Variants in CRADD observed in about 807,000 individuals in gnomAD.
CRADD encodes the protein CARD and death domain containing adaptor protein.
A neutral mutation model predicts 15.5 loss-of-function variants in CRADD; 9 were observed. The observed-to-expected ratio is 0.58, with a 90% confidence interval of 0.35 to 1.01. The LOEUF is 1.01. CRADD is among the 50% of genes least tolerant of loss of function. CRADD has a pLI of 0.02. For missense variants in CRADD, 227 were observed against 250.3 expected (o/e 0.91, Z 0.63); for synonymous variants, 118 against 107.6 (o/e 1.10, Z -0.60).
At position 93,794,741 on chromosome 12, in the gene CRADD, A is replaced by G. The variant is rs1375057879; in HGVS notation, c.299-55229A>G. On this transcript the variant is annotated intron_variant, in intron 2 of 2. Transcript: ENST00000332896. ...CCCCCACTTAAACTCACCCATTGGC[A>G]TCCCATAGCACTTAGAAGGAAAGCC... 2.6e-5 allele frequency among the ~76,000 whole-genome samples: 4 copies of G among 152,206 alleles called. No individual in the cohort carries two copies. In the South Asian group the frequency reaches 8.3e-4, roughly 32 times the overall value.
chr12:93,863,017 A>G (rs1051646232), intron 2 of CRADD, among the ~76,000 whole-genome samples: 1 of 152,236 alleles, frequency 6.6e-6, no homozygotes, highest in African/African-American at 2.4e-5. Flanking sequence ...GGGCACATGG[A>G]AAGAGACCCG....
At chr12:93,730,378 T>C (rs181973529) in intron 2 of CRADD, among the ~76,000 whole-genome samples, 3 of 152,352 alleles carry the variant, frequency 2.0e-5, no homozygotes, top group Admixed American at 1.3e-4. Context: ...TTGGCAACAA[T>C]TGAAAAGGAA....
intron 2 of CRADD, among the ~76,000 whole-genome samples, chr12:93,775,010 T>A (rs1957126261): frequency 6.6e-6 from 1 of 152,172 alleles, no homozygotes; most frequent in Admixed American, 6.5e-5. Flanking sequence ...ATACACACAC[T>A]TGTGTTTGTG....
At position 93,695,897 on chromosome 12, in the gene CRADD, C is replaced by T. The variant is rs570992154; in HGVS notation, c.298+16825C>T. 5.9e-5 allele frequency among the ~76,000 whole-genome samples: 9 copies of T among 152,112 alleles called. No homozygotes were observed. The East Asian group carries it at 9.7e-4, about 16-fold the overall frequency. ...AGCCTTGGTAACAAGAGCAAAACTC[C>T]GTCTCAAAATAAATAAATAAATGGG... On this transcript the variant is annotated intron_variant, in intron 2 of 2. Coordinates refer to ENST00000332896, the MANE Select transcript of CRADD (RefSeq NM_003805.5).
At chr12:93,805,945 C>T (rs1957532638) in intron 2 of CRADD, among the ~76,000 whole-genome samples, 1 of 152,106 alleles carries the variant, frequency 6.6e-6, no homozygotes, top group South Asian at 2.1e-4. Context: ...CTGAAGGGGG[C>T]TGTAATTTCT....
At chr12:93,702,305 C>G (rs1210295479) in intron 2 of CRADD, among the ~76,000 whole-genome samples, 1 of 151,906 alleles carries the variant, frequency 6.6e-6, no homozygotes, top group Non-Finnish European at 1.5e-5. Flanking sequence ...CTGGGCTTGG[C>G]AGGGTAGGTG....
chr12:93,827,770 A>G (rs1427768664), intron 2 of CRADD, among the ~76,000 whole-genome samples: 1 of 53,902 alleles, frequency 1.9e-5, no homozygotes, highest in Admixed American at 2.1e-4. Context: ...AACACTTAAC[A>G]TGAGATCTAC....
At chr12:93,712,625 C>T (rs1416861091) in intron 2 of CRADD, among the ~76,000 whole-genome samples, 2 of 152,132 alleles carry the variant, frequency 1.3e-5, no homozygotes, top group South Asian at 2.1e-4. Context: ...ACTGAAAGAA[C>T]CCAGGGATAA....
At chr12:93,713,066 T>C (rs547517704) in intron 2 of CRADD, among the ~76,000 whole-genome samples, 10 of 152,020 alleles carry the variant, frequency 6.6e-5, no homozygotes, top group Non-Finnish European at 1.3e-4. Flanking sequence ...TGAAGATCGT[T>C]TTTTTTTAAA....
chr12:93,829,206 C>G (rs1957861205), intron 2 of CRADD, among the ~76,000 whole-genome samples: 1 of 151,212 alleles, frequency 6.6e-6, no homozygotes, highest in Non-Finnish European at 1.5e-5. Flanking sequence ...GAAAAGACCA[C>G]AGACACATGG....
intron 2 of CRADD, among the ~76,000 whole-genome samples, chr12:93,885,884 CAA>C (rs1958533278): frequency 6.6e-6 from 1 of 151,974 alleles, no homozygotes; most frequent in Admixed American, 6.6e-5. Context: ...ACTAAAAATA[CAA>C]AAGTTAGCCA....
intron 2 of CRADD, among the ~76,000 whole-genome samples, chr12:93,844,576 A>C (rs1344745630): frequency 6.6e-6 from 1 of 152,146 alleles, no homozygotes. Flanking sequence ...GAAAGTGTGG[A>C]AGAATCAGAG....
intron 2 of CRADD, among the ~76,000 whole-genome samples, chr12:93,695,675 G>T (rs1255593141): frequency 3.3e-5 from 5 of 152,192 alleles, no homozygotes; most frequent in African/African-American, 1.2e-4. Flanking sequence ...GGCCGAGGTG[G>T]GTGGCTTGTC....
chr12:93,706,071 G>A (rs1225421777), intron 2 of CRADD, among the ~76,000 whole-genome samples: 8 of 152,074 alleles, frequency 5.3e-5, no homozygotes, highest in Non-Finnish European at 1.0e-4. Context: ...ACATGTACTC[G>A]TATAGCTGCC....
chr12:93,715,106 G>C (rs1956139637), intron 2 of CRADD, among the ~76,000 whole-genome samples: 2 of 152,078 alleles, frequency 1.3e-5, no homozygotes, highest in Admixed American at 1.3e-4. Flanking sequence ...AGCTGCCATT[G>C]ATGATTGTAG....
At chr12:93,863,596 TTGTGTGTGTGTGTGTG>T (rs1157061528) in intron 2 of CRADD, among the ~76,000 whole-genome samples, 60 of 124,848 alleles carry the variant, frequency 4.8e-4, no homozygotes, top group South Asian at 1.5e-3. Flanking sequence ...GTGGAGGCAT[TTGTGTGTGTGTGTGTG>T]TGTGTGTGTG....
intron 2 of CRADD, among the ~76,000 whole-genome samples, chr12:93,684,747 G>A (rs1333042747): frequency 6.6e-6 from 1 of 152,146 alleles, no homozygotes; most frequent in African/African-American, 2.4e-5. Flanking sequence ...TCTGATGAGG[G>A]GACACTGAGC....
chr12:93,738,997 C>T (rs1956628578), intron 2 of CRADD, among the ~76,000 whole-genome samples: 2 of 152,108 alleles, frequency 1.3e-5, no homozygotes, highest in Non-Finnish European at 2.9e-5. Context: ...TAAAATGTGA[C>T]TTTGAAAGGA....
At chr12:93,753,563 G>A (rs1716976210) in intron 2 of CRADD, among the ~76,000 whole-genome samples, 2 of 152,198 alleles carry the variant, frequency 1.3e-5, no homozygotes, top group Admixed American at 6.5e-5. Flanking sequence ...CATACAATGG[G>A]GTACAGGCAT....
Sources: gnomAD v4.1 joint callset for allele counts (sites outside exome capture counted in the v4.1 genomes callset) on GRCh38, gnomAD v4.1.1 for gene constraint, MANE v1.5 for transcripts, NCBI Gene and HGNC (gene_info 2026-07-23, HGNC 2026-07-21) for gene names.